Variants in ZC3H14 observed in about 807,000 individuals in gnomAD.
ZC3H14 encodes zinc finger CCCH-type containing 14.
ZC3H14 carries 31 observed loss-of-function variants against 92.4 expected under a neutral mutation model. That is an observed-to-expected ratio of 0.34 (90% confidence interval 0.25 to 0.45). The LOEUF is 0.45. Among genes scored for constraint, ZC3H14 ranks in the 20% least tolerant of loss-of-function variants. The probability of loss-of-function intolerance (pLI) is 1.00; values close to 1 mark genes in which losing one functional copy is unlikely to be tolerated. For synonymous variants in ZC3H14, 321 were observed against 300.9 expected, an observed-to-expected ratio of 1.07 and a Z score of -0.69; for missense variants, 781 against 897.3, an observed-to-expected ratio of 0.87 and a Z score of 1.66.
chr14:88,582,965 C>T, intron 9 of ZC3H14, among the ~76,000 whole-genome samples: 1 of 152,006 alleles, frequency 6.6e-6, no homozygotes, highest in Non-Finnish European at 1.5e-5. Context: ...TTTACTAGCG[C>T]ACCCACCTCA....
Position 88,572,725 on chromosome 14 carries a change from C to T in ZC3H14, c.579C>T (p.Pro193=). 1 of 1,614,198 alleles carries T rather than the reference C, an allele frequency of 6.2e-7. No homozygotes were observed. The highest frequency in any genetic ancestry group is 8.5e-7 in the Non-Finnish European group (1 of 1,180,044). The part of the protein sequence containing the change: ...DEDLNFVQEN[P]LSQKKPTVTL... ...ACCTCAACTTTGTGCAGGAGAATCC[C>T]TTATCTCAGAAAAAACCTACAGTGA... The change falls in exon 6 of 17, where the codon CCC becomes CCT. Residue 193 remains proline (P), a synonymous_variant. Coordinates refer to ENST00000251038, the MANE Select transcript of ZC3H14 (RefSeq NM_024824.5).
chr14:88,597,573 T>C (rs1250158224), intron 10 of ZC3H14, among the ~76,000 whole-genome samples: 1 of 152,146 alleles, frequency 6.6e-6, no homozygotes, highest in East Asian at 1.9e-4. Context: ...GAAAGTGTGC[T>C]TTTCCTCCCT....
In ZC3H14 at chr14:88,572,643, C is replaced by T. The variant is rs192441571; in HGVS notation, c.497C>T (p.Ala166Val). The change falls in exon 6 of 17, where the codon GCA (alanine) becomes GTA (valine). Residue 166 changes from alanine to valine, a missense_variant. Coordinates refer to ENST00000251038, the MANE Select transcript of ZC3H14 (RefSeq NM_024824.5). ...MSTVKPLREP[A>V]PSEDVIDIKP... ...ACAGTGAAACCTTTGAGGGAGCCAG[C>T]ACCCTCTGAAGATGTGATTGATATT... is the stretch of plus-strand genomic sequence containing the variant. 4 of 1,614,224 alleles carry T rather than the reference C, an allele frequency of 2.5e-6. No homozygotes were observed. In the African/African-American group the frequency reaches 4.0e-5, roughly 16 times the overall value.
At chr14:88,600,729 G>T (rs918519569) in intron 10 of ZC3H14, among the ~76,000 whole-genome samples, 1 of 152,122 alleles carries the variant, frequency 6.6e-6, no homozygotes. Context: ...TGGGATTACA[G>T]ACATGAACCG....
At chr14:88,610,645 T>TTA (rs33983837) in intron 15 of ZC3H14, among the ~76,000 whole-genome samples, 189 bp from the exon 16 acceptor site, 1 of 144,474 alleles carries the variant, frequency 6.9e-6, no homozygotes, top group Non-Finnish European at 1.5e-5. Context: ...CCCCATCTCT[T>TTA]AAAAAAAAAA....
chr14:88,578,422 A>G (rs927733710), intron 9 of ZC3H14, among the ~76,000 whole-genome samples: 1 of 152,162 alleles, frequency 6.6e-6, no homozygotes, highest in Admixed American at 6.5e-5. Context: ...AGGTGTGTAC[A>G]AGTGTGTGCC....
intron 9 of ZC3H14, among the ~76,000 whole-genome samples, chr14:88,593,225 C>T (rs747646013): frequency 7.9e-5 from 12 of 152,130 alleles, no homozygotes; most frequent in Non-Finnish European, 1.6e-4. Flanking sequence ...CTTGGCCTCC[C>T]AAAATGCTGG....
At chr14:88,577,917 A>G (rs1438363236) in intron 8 of ZC3H14, 68 bp from the exon 9 acceptor site, 7 of 1,588,486 alleles carry the variant, frequency 4.4e-6, no homozygotes, top group Admixed American at 1.7e-5. Context: ...TTAATATGAC[A>G]TAGTCACTGT....
chr14:88,573,088 A>G, intron 6 of ZC3H14, 81 bp downstream of exon 6: 1 of 1,508,176 alleles, frequency 6.6e-7, no homozygotes, highest in Non-Finnish European at 9.1e-7. Flanking sequence ...GTAACTAAAC[A>G]CATATTCCAA....
At chr14:88,565,340 A>G (rs2079425749) in intron 2 of ZC3H14, among the ~76,000 whole-genome samples, 1 of 152,008 alleles carries the variant, frequency 6.6e-6, no homozygotes, top group Admixed American at 6.6e-5. Context: ...ACAGGGTTTC[A>G]CCATGTTGGC....
intron 2 of ZC3H14, among the ~76,000 whole-genome samples, chr14:88,565,386 G>C (rs968087354): frequency 6.6e-6 from 1 of 151,830 alleles, no homozygotes; most frequent in Non-Finnish European, 1.5e-5. Flanking sequence ...TGTGATTCGC[G>C]TGCCTCAGCC....
At chr14:88,563,790 G>A (rs1595450399) in intron 2 of ZC3H14, 97 bp downstream of exon 2, 1 of 1,171,958 alleles carries the variant, frequency 8.5e-7, no homozygotes, top group Non-Finnish European at 1.3e-6. Flanking sequence ...TTGGACATTG[G>A]GAGAGACTCC....
intron 7 of ZC3H14, 121 bp from the exon 8 acceptor site, chr14:88,575,718 TA>T: frequency 3.9e-6 from 3 of 772,210 alleles, no homozygotes; most frequent in Non-Finnish European, 6.2e-6. Context: ...TGGCATTTTC[TA>T]AAAACTGCAG....
chr14:88,578,681 A>C (rs2081481151), intron 9 of ZC3H14, among the ~76,000 whole-genome samples: 1 of 151,358 alleles, frequency 6.6e-6, no homozygotes. Flanking sequence ...GTTACCTTTA[A>C]ATCTCCCGTC....
intron 9 of ZC3H14, among the ~76,000 whole-genome samples, chr14:88,596,481 G>A (rs1227352417): frequency 1.3e-5 from 2 of 152,092 alleles, no homozygotes; most frequent in African/African-American, 4.8e-5. Context: ...TTCAAATTCA[G>A]GAAAACTGAT....
intron 9 of ZC3H14, among the ~76,000 whole-genome samples, chr14:88,587,952 A>T (rs1483363699): frequency 6.6e-6 from 1 of 152,190 alleles, no homozygotes; most frequent in Non-Finnish European, 1.5e-5. Context: ...AAAAAATTTT[A>T]AAGACTATAT....
rs1380977253 is a variant in ZC3H14 at position 88,618,534 on chromosome 14, A to G, written c.*6783A>G. The G allele has an allele frequency of 5.5e-6, 7 of 1,273,880 alleles. No individual in the cohort carries two copies. The highest frequency in any genetic ancestry group is 2.6e-5 in the Admixed American group (1 of 38,928). The allele number at this position is 1,273,880 out of a possible 1,614,324, so 78.9% of individuals were successfully genotyped here. A position where few individuals can be genotyped will look rare whatever the true frequency, so the allele number is the denominator to read the frequency against. ...GGGGAGCTGTAGGTCAGAAGGTACAAAGGGAGGAGTTGAGAAGCTGGAGCT... is the reference window on the plus strand; with the variant it reads ...GGGGAGCTGTAGGTCAGAAGGTACAGAGGGAGGAGTTGAGAAGCTGGAGCT... On this transcript the variant is annotated 3_prime_UTR_variant, in exon 17 of 17. Transcript: ENST00000251038.
In ZC3H14 at chr14:88,609,418, G is replaced by C; in HGVS notation, c.2005+15G>C. The C allele has an allele frequency of 6.2e-7, 1 of 1,613,948 alleles. No homozygotes were observed. The highest frequency in any genetic ancestry group is 8.5e-7 in the Non-Finnish European group (1 of 1,179,940). On this transcript the variant is annotated intron_variant, in intron 14 of 16. Coordinates refer to ENST00000251038, the MANE Select transcript of ZC3H14 (RefSeq NM_024824.5). ...TCCAAAACCAGGTGAGTGAGTGACT[G>C]TGCTACTACATTTGGGTAAAAAATA...
At chr14:88,597,017 T>C (rs1434080917) in intron 10 of ZC3H14, among the ~76,000 whole-genome samples, 3 of 152,226 alleles carry the variant, frequency 2.0e-5, no homozygotes, top group Non-Finnish European at 4.4e-5. Flanking sequence ...TGGAAAACTT[T>C]GTTCCTTTCA....
Sources: gnomAD v4.1 joint callset for allele counts (sites outside exome capture counted in the v4.1 genomes callset) on GRCh38, gnomAD v4.1.1 for gene constraint, MANE v1.5 for transcripts, NCBI Gene and HGNC (gene_info 2026-07-23, HGNC 2026-07-21) for gene names.